The following TMEM178B variants were observed in gnomAD, a reference collection of about 807,000 sequenced individuals.
TMEM178B encodes the protein transmembrane protein 178B.
A neutral mutation model predicts 31.0 loss-of-function variants in TMEM178B; 5 were observed. The ratio of observed to expected loss-of-function variants is 0.16; its 90% confidence interval spans 0.08 to 0.34. The LOEUF (loss-of-function observed/expected upper bound fraction) is 0.34, where lower values mean the gene tolerates loss of function less well. Ranked by LOEUF, TMEM178B falls within the 10% of genes least tolerant of loss-of-function variation. The probability of loss-of-function intolerance (pLI) is 1.00; values close to 1 mark genes in which losing one functional copy is unlikely to be tolerated. For synonymous variants in TMEM178B, 164 were observed against 164.0 expected (o/e 1.00, Z 0.00); for missense variants, 275 against 400.3 (o/e 0.69, Z 2.67).
chr7:141,326,095 T>C (rs1464277303), intron 2 of TMEM178B, among the ~76,000 whole-genome samples: 1 of 152,226 alleles, frequency 6.6e-6, no homozygotes, highest in East Asian at 1.9e-4. Flanking sequence ...ATTCAATGAA[T>C]ATTTATTGTC....
chr7:141,204,334 C>T (rs1208645856), intron 1 of TMEM178B, among the ~76,000 whole-genome samples: 2 of 152,234 alleles, frequency 1.3e-5, no homozygotes, highest in Non-Finnish European at 2.9e-5. Context: ...GGCTGTTGCT[C>T]TCCATCTGCC....
intron 2 of TMEM178B, among the ~76,000 whole-genome samples, chr7:141,423,702 C>T (rs895427615): frequency 6.6e-5 from 10 of 152,132 alleles, no homozygotes; most frequent in African/African-American, 2.4e-4. Context: ...TTGTTCTTCC[C>T]ATGCTGTCAT....
rs148940864 is a variant in TMEM178B, at chr7:141,081,593, A to T, written c.382+6901A>T. On this transcript the variant is annotated intron_variant, in intron 1 of 3. Transcript: ENST00000565468. ...GGAGGTTGTAGTGAGCTGAGATTGC[A>T]CCATTGCGCTCCAGCCTGGGTAACA... 2.5e-3 allele frequency among the ~76,000 whole-genome samples: 382 copies of T among 151,924 alleles called. 4 individuals carry two copies. The highest frequency in any genetic ancestry group is 8.9e-3 in the African/African-American group (367 of 41,438).
chr7:141,387,468 T>C (rs1399686949), intron 2 of TMEM178B, among the ~76,000 whole-genome samples: 2 of 152,200 alleles, frequency 1.3e-5, no homozygotes, highest in Non-Finnish European at 2.9e-5. Context: ...TAGAGATCCA[T>C]ATTTTATATC....
At chr7:141,451,900 T>A (rs572455784) in intron 3 of TMEM178B, among the ~76,000 whole-genome samples, 1 of 152,288 alleles carries the variant, frequency 6.6e-6, no homozygotes, top group African/African-American at 2.4e-5. Context: ...CTTGGAGATG[T>A]GCTTACTCCT....
intron 1 of TMEM178B, among the ~76,000 whole-genome samples, chr7:141,138,841 G>A (rs1211773552): frequency 2.0e-5 from 3 of 151,898 alleles, no homozygotes; most frequent in African/African-American, 2.4e-5. Flanking sequence ...AAAATTAGCC[G>A]GGTGTGGTGG....
intron 1 of TMEM178B, among the ~76,000 whole-genome samples, chr7:141,123,285 T>C (rs1423962983): frequency 1.3e-5 from 2 of 152,238 alleles, no homozygotes; most frequent in African/African-American, 4.8e-5. Flanking sequence ...TGGGAGTCTC[T>C]CCCTTTATAT....
chr7:141,502,509 C>G, the TMEM178B span, among the ~76,000 whole-genome samples: 2 of 152,190 alleles, frequency 1.3e-5, no homozygotes. Context: ...TGGTGGCTCA[C>G]GCCTGTAATC....
At chr7:141,149,250 A>C (rs1357380840) in intron 1 of TMEM178B, among the ~76,000 whole-genome samples, 1 of 152,136 alleles carries the variant, frequency 6.6e-6, no homozygotes, top group Admixed American at 6.5e-5. Context: ...TGTGAATGTG[A>C]CCTTATTTAG....
At chr7:141,327,250 G>A (rs1015875474) in intron 2 of TMEM178B, among the ~76,000 whole-genome samples, 3 of 152,166 alleles carry the variant, frequency 2.0e-5, no homozygotes, top group African/African-American at 7.2e-5. Context: ...TTTGCCAGAG[G>A]AAAATGTCAA....
At chr7:141,396,203 C>T (rs1191412669) in intron 2 of TMEM178B, among the ~76,000 whole-genome samples, 3 of 152,242 alleles carry the variant, frequency 2.0e-5, no homozygotes, top group Non-Finnish European at 2.9e-5. Context: ...CAGGCCAGCA[C>T]GCCTCACCTG....
At chr7:141,369,546 G>A (rs1586916933) in intron 2 of TMEM178B, among the ~76,000 whole-genome samples, 2 of 152,246 alleles carry the variant, frequency 1.3e-5, no homozygotes, top group Admixed American at 1.3e-4. Context: ...TGAGCAAAGT[G>A]GAAAATTCAA....
chr7:141,384,399 G>A (rs1239061460), intron 2 of TMEM178B, among the ~76,000 whole-genome samples: 1 of 152,162 alleles, frequency 6.6e-6, no homozygotes, highest in Non-Finnish European at 1.5e-5. Context: ...TTTTGTATAA[G>A]GTGTAAGGAA....
intron 2 of TMEM178B, among the ~76,000 whole-genome samples, chr7:141,265,360 A>C (rs1394715286): frequency 1.3e-5 from 2 of 152,128 alleles, no homozygotes; most frequent in African/African-American, 4.8e-5. Flanking sequence ...ACTGTGGCGC[A>C]GACTTTACCT....
At chr7:141,142,679 T>C (rs968053625) in intron 1 of TMEM178B, among the ~76,000 whole-genome samples, 13 of 152,338 alleles carry the variant, frequency 8.5e-5, no homozygotes, top group South Asian at 6.2e-4. Flanking sequence ...AGTGCTGGGA[T>C]TACAGGCGTG....
chr7:141,491,610 C>CATT, the TMEM178B span, among the ~76,000 whole-genome samples: 2 of 152,102 alleles, frequency 1.3e-5, no homozygotes, highest in Non-Finnish European at 2.9e-5. Context: ...TTACTATATA[C>CATT]CAATCACTTT....
chr7:141,141,242 T>A (rs1795763251), intron 1 of TMEM178B, among the ~76,000 whole-genome samples: 1 of 152,218 alleles, frequency 6.6e-6, no homozygotes. Context: ...CTTTGGTAGC[T>A]CTTCCAGATG....
chr7:141,350,237 C>G (rs1799696398), intron 2 of TMEM178B, among the ~76,000 whole-genome samples: 1 of 151,942 alleles, frequency 6.6e-6, no homozygotes, highest in Non-Finnish European at 1.5e-5. Context: ...TGAACTCTTC[C>G]TTCCTTCACC....
intron 2 of TMEM178B, among the ~76,000 whole-genome samples, chr7:141,285,016 G>A (rs1405572843): frequency 6.6e-6 from 1 of 151,014 alleles, no homozygotes; most frequent in Non-Finnish European, 1.5e-5. Flanking sequence ...GAGATAAAAG[G>A]TCAAGCCTAC....
Sources: allele counts gnomAD v4.1 joint callset (sites outside exome capture counted in the v4.1 genomes callset), GRCh38; gene constraint gnomAD v4.1.1; transcripts MANE v1.5; gene names NCBI Gene and HGNC (gene_info 2026-07-23, HGNC 2026-07-21).